SYNPR: variants seen among roughly 807,000 people sequenced by gnomAD.
SYNPR encodes synaptoporin.
SYNPR carries 23 observed loss-of-function variants against 32.9 expected under a neutral mutation model. The observed-to-expected ratio is 0.70, with a 90% CI of 0.50 to 0.99. SYNPR has a LOEUF of 0.99. SYNPR is among the 50% of genes least tolerant of loss of function. SYNPR has a pLI of 0.00. For missense variants in SYNPR, 318 were observed against 349.3 expected (o/e 0.91, Z 0.71); for synonymous variants, 146 against 135.9 (o/e 1.07, Z -0.52).
At chr3:63,254,636 G>A (rs977537387) in intron 2 of SYNPR, among the ~76,000 whole-genome samples, 1 of 152,104 alleles carries the variant, frequency 6.6e-6, no homozygotes, top group Admixed American at 6.6e-5. Context: ...TTGTGTATAT[G>A]ATTGGTGGGG....
intron 2 of SYNPR, among the ~76,000 whole-genome samples, chr3:63,416,777 T>G (rs11919618): frequency 6.6e-6 from 1 of 150,750 alleles, no homozygotes; most frequent in Non-Finnish European, 1.5e-5. Flanking sequence ...GCAGGAAAAT[T>G]CCCCCCTGTA....
At chr3:63,455,982 A>G (rs1559504419) in intron 2 of SYNPR, among the ~76,000 whole-genome samples, 1 of 152,100 alleles carries the variant, frequency 6.6e-6, no homozygotes, top group Non-Finnish European at 1.5e-5. Context: ...TCAGTTCCAC[A>G]TGGCTGGGGA....
At chr3:63,496,676 T>C (rs1037121433) in intron 3 of SYNPR, among the ~76,000 whole-genome samples, 1 of 152,188 alleles carries the variant, frequency 6.6e-6, no homozygotes, top group Non-Finnish European at 1.5e-5. Flanking sequence ...TTAATTACTT[T>C]AGTGAGAATT....
At chr3:63,577,770 C>T (rs962540361) in intron 4 of SYNPR, among the ~76,000 whole-genome samples, 1 of 152,110 alleles carries the variant, frequency 6.6e-6, no homozygotes, top group Non-Finnish European at 1.5e-5. Flanking sequence ...GGATTTCTCA[C>T]CCCTCCTCAA....
chr3:63,610,029 A>G (rs1700177774), intron 5 of SYNPR, among the ~76,000 whole-genome samples: 1 of 152,224 alleles, frequency 6.6e-6, no homozygotes, highest in Non-Finnish European at 1.5e-5. Flanking sequence ...TGTAGCTGGA[A>G]TACACCCAAC....
At chr3:63,516,019 A>T (rs62252782) in intron 3 of SYNPR, among the ~76,000 whole-genome samples, 35,211 of 151,940 alleles carry the variant, frequency 0.23, 4,151 homozygotes, top group East Asian at 0.32. Flanking sequence ...ACTATGGTAC[A>T]GTCAACATTC....
rs1406773070 is a variant in SYNPR, at chr3:63,534,314, T to G, written c.210-22229T>G. On this transcript the variant is annotated intron_variant, in intron 3 of 5. Transcript: ENST00000478300. ...GTCAACATTTTTGTGCTTTCTCATG[T>G]GGGTACAGAACCAAGTTATAGCTAG... Among the ~76,000 whole-genome samples the G allele has an allele frequency of 3.3e-5, 5 of 152,204 alleles. No individual in the cohort carries two copies. The East Asian group carries it at 5.8e-4, about 18-fold the overall frequency.
chr3:63,511,426 G>A (rs916996640), intron 3 of SYNPR, among the ~76,000 whole-genome samples: 1 of 152,124 alleles, frequency 6.6e-6, no homozygotes, highest in African/African-American at 2.4e-5. Context: ...AGTTGGAGTC[G>A]AGGCTGCTTT....
chr3:63,551,907 A>G (rs893480286), intron 3 of SYNPR, among the ~76,000 whole-genome samples: 2 of 119,342 alleles, frequency 1.7e-5, no homozygotes, highest in Non-Finnish European at 3.7e-5. Flanking sequence ...TTATTTATTT[A>G]TTTATTTGAG....
At chr3:63,248,184 G>A (rs137907497) in intron 1 of SYNPR, among the ~76,000 whole-genome samples, 1 of 152,216 alleles carries the variant, frequency 6.6e-6, no homozygotes, top group East Asian at 1.9e-4. Flanking sequence ...GAATTCATCA[G>A]ACCCCCAAAA....
chr3:63,434,349 G>C (rs1416160335), intron 2 of SYNPR, among the ~76,000 whole-genome samples: 2 of 152,174 alleles, frequency 1.3e-5, no homozygotes, highest in African/African-American at 4.8e-5. Context: ...ATTTCCATCA[G>C]CCTCAGCTGT....
At chr3:63,378,770 T>C (rs1036796759) in intron 2 of SYNPR, among the ~76,000 whole-genome samples, 13 of 152,184 alleles carry the variant, frequency 8.5e-5, no homozygotes, top group Admixed American at 7.9e-4. Flanking sequence ...TCTCCTTTTT[T>C]TTTCTACTGT....
intron 2 of SYNPR, among the ~76,000 whole-genome samples, chr3:63,408,222 AAG>A (rs2107112370): frequency 9.1e-5 from 9 of 99,030 alleles, no homozygotes; most frequent in Non-Finnish European, 1.4e-4. Context: ...GGAAGGAAGG[AAG>A]GAAGGAAAGA....
In SYNPR at chr3:63,414,831, G is replaced by C. The variant is rs114860148; in HGVS notation, c.85-66001G>C. Among the ~76,000 whole-genome samples, 819 of 152,224 alleles carry C rather than the reference G, an allele frequency of 5.4e-3. 10 individuals are homozygous for C. The highest frequency in any genetic ancestry group is 0.019 in the African/African-American group (792 of 41,550). On this transcript the variant is annotated intron_variant, in intron 2 of 5. Coordinates refer to ENST00000478300, the MANE Select transcript of SYNPR (RefSeq NM_001130003.2). ...GTTAGTCAGCCAATGTGTTTATGCT[G>C]AAGTCTTCTCCTTATATACATATGT...
intron 2 of SYNPR, among the ~76,000 whole-genome samples, chr3:63,440,831 T>C (rs1315182701): frequency 6.6e-6 from 1 of 152,066 alleles, no homozygotes; most frequent in African/African-American, 2.4e-5. Flanking sequence ...TCTTCCCAAA[T>C]GTTAAAGTGC....
intron 5 of SYNPR, 136 bp downstream of exon 5, chr3:63,609,452 T>A: frequency 1.5e-6 from 1 of 687,016 alleles, no homozygotes; most frequent in East Asian, 3.1e-5. Context: ...ATACTTCACC[T>A]CAGGTACAGG....
chr3:63,328,758 C>T (rs776515270), intron 2 of SYNPR, among the ~76,000 whole-genome samples: 1 of 152,160 alleles, frequency 6.6e-6, no homozygotes, highest in Non-Finnish European at 1.5e-5. Context: ...CTTGAATCTA[C>T]TATGGCTAAA....
At chr3:63,598,904 T>A (rs886363128) in intron 4 of SYNPR, among the ~76,000 whole-genome samples, 3 of 152,208 alleles carry the variant, frequency 2.0e-5, no homozygotes, top group African/African-American at 4.8e-5. Flanking sequence ...AGGGATCATA[T>A]TTGTAAACAA....
chr3:63,530,066 C>A (rs113919914), intron 3 of SYNPR, among the ~76,000 whole-genome samples: 6 of 152,220 alleles, frequency 3.9e-5, no homozygotes, highest in African/African-American at 1.4e-4. Flanking sequence ...GACCCCCATG[C>A]CTGTGAGGGC....
Sources: allele counts gnomAD v4.1 joint callset (sites outside exome capture counted in the v4.1 genomes callset), GRCh38; gene constraint gnomAD v4.1.1; transcripts MANE v1.5; gene names NCBI Gene and HGNC (gene_info 2026-07-23, HGNC 2026-07-21).